Variants in NAF1 observed in about 807,000 individuals in gnomAD.
NAF1 encodes the protein nuclear assembly factor 1 ribonucleoprotein.
NAF1 carries 11 observed loss-of-function variants against 40.6 expected under a neutral mutation model. The ratio of observed to expected loss-of-function variants is 0.27; its 90% CI spans 0.17 to 0.45. The LOEUF is 0.45. Among genes scored for constraint, NAF1 ranks in the 20% least tolerant of loss-of-function variants. NAF1 has a pLI of 1.00. For missense variants in NAF1, 607 were observed against 611.1 expected (o/e 0.99, Z 0.07); for synonymous variants, 260 against 228.5 (o/e 1.14, Z -1.24).
intron 3 of NAF1, among the ~76,000 whole-genome samples, chr4:163,147,333 G>C (rs1173877440): frequency 6.6e-6 from 1 of 152,108 alleles, no homozygotes; most frequent in Non-Finnish European, 1.5e-5. Context: ...GAATTTTTCT[G>C]TTTCCTCAGG....
intron 2 of NAF1, among the ~76,000 whole-genome samples, chr4:163,113,737 A>C (rs562960661): frequency 2.0e-5 from 3 of 152,328 alleles, no homozygotes; most frequent in Non-Finnish European, 2.9e-5. Flanking sequence ...TAGAAATCAA[A>C]TCAATGCAAA....
chr4:163,127,422 A>G (rs1439768306), downstream of NAF1, among the ~76,000 whole-genome samples: 11 of 152,050 alleles, frequency 7.2e-5, no homozygotes, highest in Admixed American at 3.9e-4. Context: ...GAGCCACTGC[A>G]CCCGGCCGAA....
downstream of NAF1, among the ~76,000 whole-genome samples, chr4:163,123,223 G>A (rs1730563382): frequency 6.6e-6 from 1 of 152,126 alleles, no homozygotes; most frequent in African/African-American, 2.4e-5. Flanking sequence ...TTAAACAACA[G>A]CTCTTGTGTG....
intron 3 of NAF1, among the ~76,000 whole-genome samples, chr4:163,147,728 T>C (rs1324680268): frequency 6.6e-6 from 1 of 152,074 alleles, no homozygotes; most frequent in African/African-American, 2.4e-5. Flanking sequence ...GACCACGAGA[T>C]AGGGGAGATT....
intron 5 of NAF1, among the ~76,000 whole-genome samples, chr4:163,139,308 AG>A (rs1339173445): frequency 1.3e-5 from 2 of 152,160 alleles, no homozygotes; most frequent in South Asian, 2.1e-4. Context: ...TAGAACTAAA[AG>A]GAACTTCTGT....
At chr4:163,109,145 G>A (rs976796445), downstream of NAF1, among the ~76,000 whole-genome samples, 3 of 141,166 alleles carry the variant, frequency 2.1e-5, no homozygotes, top group Admixed American at 2.3e-4. Flanking sequence ...AGGTTTTGGT[G>A]CTCTCCTTTT....
At chr4:163,138,520 C>G (rs1174471415) in intron 5 of NAF1, among the ~76,000 whole-genome samples, 1 of 152,056 alleles carries the variant, frequency 6.6e-6, no homozygotes, top group Non-Finnish European at 1.5e-5. Context: ...ACATGAGAAA[C>G]TAAGATCAAA....
downstream of NAF1, among the ~76,000 whole-genome samples, chr4:163,122,480 C>CGA (rs1318382260): frequency 1.3e-5 from 2 of 152,186 alleles, no homozygotes; most frequent in Non-Finnish European, 2.9e-5. Flanking sequence ...TTACATCTTC[C>CGA]CTATGTCCCA....
intron 2 of NAF1, among the ~76,000 whole-genome samples, chr4:163,154,425 T>C (rs2111015176): frequency 6.6e-6 from 1 of 152,334 alleles, no homozygotes; most frequent in South Asian, 2.1e-4. Context: ...GAAACCATCC[T>C]TGTATAATTC....
In NAF1 at chr4:163,118,610, G is replaced by A. The variant is rs574569114; in HGVS notation, c.115-8320C>T. Reference sequence around the variant, plus strand: ...TCTACTAAAAACACAAAAATTAGCCGGGCGTGGTGGCACATGCCTGTAGTC... The same window carrying A: ...TCTACTAAAAACACAAAAATTAGCCAGGCGTGGTGGCACATGCCTGTAGTC... On this transcript the variant is annotated intron_variant, in intron 2 of 2. Transcript: ENST00000509434. 3.3e-5 allele frequency among the ~76,000 whole-genome samples: 5 copies of A among 152,204 alleles called. No homozygotes were observed. The South Asian group carries it at 1.0e-3, about 32-fold the overall frequency.
At chr4:163,146,233 G>T (rs1731463710) in intron 3 of NAF1, among the ~76,000 whole-genome samples, 1 of 152,152 alleles carries the variant, frequency 6.6e-6, no homozygotes, top group Admixed American at 6.5e-5. Context: ...GAAGAAATTA[G>T]TCTTCTTTCT....
chr4:163,156,717 G>A (rs1417587012), intron 2 of NAF1, among the ~76,000 whole-genome samples: 1 of 151,958 alleles, frequency 6.6e-6, no homozygotes, highest in African/African-American at 2.4e-5. Flanking sequence ...ATAATTTTAA[G>A]ACCACATTTT....
At chr4:163,166,202 G>A (rs1013515250) in intron 1 of NAF1, among the ~76,000 whole-genome samples, 161 bp downstream of exon 1, 1 of 152,120 alleles carries the variant, frequency 6.6e-6, no homozygotes, top group African/African-American at 2.4e-5. Context: ...AGCGAATAAG[G>A]GGCAGTCGGA....
chr4:163,127,103 G>T (rs1347519118), downstream of NAF1: 2 of 1,551,216 alleles, frequency 1.3e-6, no homozygotes, highest in African/African-American at 2.7e-5. Flanking sequence ...ATATCTGTGA[G>T]ATATACCTGT....
intron 2 of NAF1, among the ~76,000 whole-genome samples, chr4:163,121,376 C>T (rs1032997275): frequency 8.6e-5 from 13 of 152,012 alleles, no homozygotes; most frequent in African/African-American, 3.1e-4. Flanking sequence ...TAAAAAAAAA[C>T]TTTTGAAATA....
intron 3 of NAF1, among the ~76,000 whole-genome samples, chr4:163,147,624 G>C (rs1448666064): frequency 6.6e-6 from 1 of 152,106 alleles, no homozygotes; most frequent in Non-Finnish European, 1.5e-5. Context: ...GTGGTGAGCA[G>C]AATGGCTCCC....
At chr4:163,133,125 G>T in intron 7 of NAF1, 29 bp downstream of exon 7, 1 of 1,515,152 alleles carries the variant, frequency 6.6e-7, no homozygotes, top group Non-Finnish European at 9.1e-7. Flanking sequence ...TGAAGATAAA[G>T]AACGAGTATA....
At chr4:163,154,704 C>G (rs1731898377) in intron 2 of NAF1, among the ~76,000 whole-genome samples, 1 of 151,866 alleles carries the variant, frequency 6.6e-6, no homozygotes. Context: ...AATCCCATCT[C>G]TACTAAAAAT....
chr4:163,157,855 C>CT (rs1732053216), intron 2 of NAF1, among the ~76,000 whole-genome samples: 2 of 152,008 alleles, frequency 1.3e-5, no homozygotes, highest in Admixed American at 1.3e-4. Flanking sequence ...GTGCCTAAAA[C>CT]TTTCAATGCA....
Sources: gnomAD v4.1 joint callset for allele counts (sites outside exome capture counted in the v4.1 genomes callset) on GRCh38, gnomAD v4.1.1 for gene constraint, MANE v1.5 for transcripts, NCBI Gene and HGNC (gene_info 2026-07-23, HGNC 2026-07-21) for gene names.